NREP: variants seen among roughly 807,000 people sequenced by gnomAD.
The protein encoded by NREP is neuronal regeneration related protein.
In NREP, 5 loss-of-function variants were observed where a neutral mutation model predicts 8.6. The ratio of observed to expected loss-of-function variants is 0.58; its 90% CI spans 0.30 to 1.22. The LOEUF (loss-of-function observed/expected upper bound fraction) is 1.22. NREP is among the 50% of genes most tolerant of loss of function. NREP has a pLI of 0.07. For missense variants in NREP, 86 were observed against 82.5 expected, an observed-to-expected ratio of 1.04 and a Z score of -0.17; for synonymous variants, 27 against 28.0, an observed-to-expected ratio of 0.96 and a Z score of 0.11.
chr5:111,947,741 C>T (rs1756031582), intron 2 of NREP, among the ~76,000 whole-genome samples: 1 of 151,986 alleles, frequency 6.6e-6, no homozygotes, highest in Admixed American at 6.6e-5. Context: ...TTCAGAATGG[C>T]ACATGAATGC....
chr5:111,756,548 T>C (rs1279966550), intron 1 of NREP, among the ~76,000 whole-genome samples: 3 of 152,158 alleles, frequency 2.0e-5, no homozygotes, highest in Admixed American at 1.3e-4. Context: ...AATGTTATTA[T>C]AGATACACAT....
intron 2 of NREP, among the ~76,000 whole-genome samples, chr5:111,840,345 CT>C (rs1212611471): frequency 6.6e-6 from 1 of 152,078 alleles, no homozygotes; most frequent in Non-Finnish European, 1.5e-5. Flanking sequence ...AGCTGTCTCT[CT>C]TCTTCATTCT....
chr5:111,735,188 A>G, intron 3 of NREP: 1 of 416,962 alleles, frequency 2.4e-6, no homozygotes, highest in Non-Finnish European at 4.3e-6. Context: ...GTACTTTGAT[A>G]AACTGATTCC....
intron 2 of NREP, among the ~76,000 whole-genome samples, chr5:111,876,349 CCTCCTGTATCA>C (rs1160509621): frequency 1.3e-5 from 2 of 152,192 alleles, no homozygotes; most frequent in Non-Finnish European, 2.9e-5. Context: ...TTTCCTTCTA[CCTCCTGTATCA>C]CTTGTTTCTT....
intron 2 of NREP, among the ~76,000 whole-genome samples, chr5:111,960,977 G>A (rs1346039949): frequency 6.6e-6 from 1 of 152,146 alleles, no homozygotes; most frequent in African/African-American, 2.4e-5. Context: ...CATTTATTGA[G>A]TCATAAAATG....
At chr5:111,915,919 C>G (rs897887091) in intron 2 of NREP, among the ~76,000 whole-genome samples, 3 of 152,008 alleles carry the variant, frequency 2.0e-5, no homozygotes, top group African/African-American at 7.2e-5. Context: ...GAAGAATTGT[C>G]CCAATAAGTC....
chr5:111,969,560 G>A (rs962255736), intron 2 of NREP: 2 of 152,182 alleles, frequency 1.3e-5, no homozygotes, highest in Non-Finnish European at 2.9e-5. Flanking sequence ...GGAGAAAGAA[G>A]GTAAATTGAT....
intron 2 of NREP, among the ~76,000 whole-genome samples, chr5:111,778,671 C>T (rs1581110788): frequency 6.6e-6 from 1 of 152,068 alleles, no homozygotes; most frequent in Admixed American, 6.6e-5. Flanking sequence ...TATTGCTTTA[C>T]AAGTTTGTTT....
At chr5:111,852,027 T>C (rs1483936881) in intron 2 of NREP, among the ~76,000 whole-genome samples, 1 of 152,128 alleles carries the variant, frequency 6.6e-6, no homozygotes, top group Non-Finnish European at 1.5e-5. Flanking sequence ...TAAGAGGCGG[T>C]GCCTTTGGGG....
intron 2 of NREP, among the ~76,000 whole-genome samples, chr5:111,945,103 C>A (rs1428798408): frequency 6.6e-6 from 1 of 152,006 alleles, no homozygotes; most frequent in East Asian, 1.9e-4. Flanking sequence ...CACCCTAACC[C>A]CTCTTCACGC....
At chr5:111,840,947 G>GAGC (rs1360963756) in intron 2 of NREP, among the ~76,000 whole-genome samples, 3 of 152,050 alleles carry the variant, frequency 2.0e-5, no homozygotes, top group African/African-American at 7.2e-5. Flanking sequence ...CTTCAAGGAG[G>GAGC]AGCAGCAGGA....
upstream of NREP, chr5:111,757,652 G>A (rs576965572): frequency 1.2e-4 from 115 of 982,986 alleles, 1 homozygote; most frequent in South Asian, 5.0e-3. Flanking sequence ...CGGGCGCCCC[G>A]CTCGCCGCGC....
At chr5:111,791,702 G>A (rs540192644) in intron 2 of NREP, among the ~76,000 whole-genome samples, 1 of 152,206 alleles carries the variant, frequency 6.6e-6, no homozygotes, top group East Asian at 1.9e-4. Context: ...CAAACTCCTG[G>A]GCTCAAGCAA....
chr5:111,828,469 A>G (rs1314208855), intron 2 of NREP, among the ~76,000 whole-genome samples: 1 of 152,178 alleles, frequency 6.6e-6, no homozygotes, highest in Non-Finnish European at 1.5e-5. Flanking sequence ...TGTATAACCT[A>G]TATGTCTCTT....
Position 111,730,454 on chromosome 5 carries a change from A to G in NREP, c.*467T>C, listed in dbSNP as rs1748441255. Reference sequence around the variant, plus strand: ...TTTCAAACTACTTCTATACATCAAAAGAGTACATGGATAAAATATAGAGAT... The same window carrying G: ...TTTCAAACTACTTCTATACATCAAAGGAGTACATGGATAAAATATAGAGAT... On this transcript the variant is annotated 3_prime_UTR_variant, in exon 4 of 4. Coordinates refer to ENST00000257435, the MANE Select transcript of NREP (RefSeq NM_004772.4). The G allele has an allele frequency of 6.5e-6, 1 of 153,250 alleles. No individual in the cohort carries two copies. The allele number at this position is 153,250 out of a possible 1,614,324, so 9.5% of individuals were successfully genotyped here.
At chr5:111,858,549 T>C (rs1180048702) in intron 2 of NREP, among the ~76,000 whole-genome samples, 1 of 151,448 alleles carries the variant, frequency 6.6e-6, no homozygotes, top group Non-Finnish European at 1.5e-5. Flanking sequence ...ACTTGGGGAG[T>C]CTGAACAGGA....
chr5:111,785,867 A>G (rs1000635439), intron 2 of NREP, among the ~76,000 whole-genome samples: 3 of 152,198 alleles, frequency 2.0e-5, no homozygotes, highest in African/African-American at 7.2e-5. Flanking sequence ...GAGTCCCCAT[A>G]GTTCATATAT....
At chr5:111,919,010 A>T (rs1023049929) in intron 2 of NREP, among the ~76,000 whole-genome samples, 2 of 152,202 alleles carry the variant, frequency 1.3e-5, no homozygotes, top group African/African-American at 4.8e-5. Flanking sequence ...TCCAGAATCT[A>T]CAGGGACTTA....
upstream of NREP, chr5:111,757,349 G>C (rs1381669195): frequency 3.3e-6 from 3 of 903,536 alleles, no homozygotes; most frequent in East Asian, 3.6e-4. Flanking sequence ...TGCAGCCTTG[G>C]AAAAAGGAGG....
Sources: allele counts gnomAD v4.1 joint callset (sites outside exome capture counted in the v4.1 genomes callset), GRCh38; gene constraint gnomAD v4.1.1; transcripts MANE v1.5; gene names NCBI Gene and HGNC (gene_info 2026-07-23, HGNC 2026-07-21).